Variants in FGF1 observed in about 807,000 individuals in gnomAD.
The protein encoded by FGF1 is beta-endothelial cell growth factor.
A neutral mutation model predicts 13.4 loss-of-function variants in FGF1; 9 were observed. That is an observed-to-expected ratio of 0.67 (90% CI 0.40 to 1.17). FGF1 has a LOEUF of 1.17. FGF1 is among the 50% of genes most tolerant of loss of function. The pLI is 0.01. For missense variants in FGF1, 156 were observed against 192.7 expected, an observed-to-expected ratio of 0.81 and a Z score of 1.13; for synonymous variants, 93 against 79.0, an observed-to-expected ratio of 1.18 and a Z score of -0.94.
chr5:142,610,285 A>G (rs250106), intron 2 of FGF1, among the ~76,000 whole-genome samples: 150,790 of 152,328 alleles, frequency 0.99, 74,634 homozygotes, highest in East Asian at 1. Flanking sequence ...TGTTTACTGG[A>G]CATTTTACCA....
At chr5:142,646,208 CTTT>C (rs762008952) in intron 1 of FGF1, among the ~76,000 whole-genome samples, 1 of 54,916 alleles carries the variant, frequency 1.8e-5, no homozygotes, top group African/African-American at 7.2e-5. Context: ...CGCACCTGGC[CTTT>C]TTTTTTTTTT....
At position 142,594,702 on chromosome 5, in the gene FGF1, AC is replaced by A. The variant is rs1420343698; in HGVS notation, c.*587del. 1 of 152,254 alleles carries A rather than the reference AC, an allele frequency of 6.6e-6. No individual in the cohort carries two copies. The highest frequency in any genetic ancestry group is 1.5e-5 in the Non-Finnish European group (1 of 68,152). 9.4% of individuals were successfully genotyped at this position (152,254 alleles called of 1,614,324 possible). On this transcript the variant is annotated 3_prime_UTR_variant, in exon 4 of 4. Coordinates refer to ENST00000337706, the MANE Select transcript of FGF1 (RefSeq NM_000800.5). The stretch of plus-strand genomic sequence containing the variant: ...GGGCCTCCCTTTCTTCATTTATTCT[AC>A]ATGGAGATGCCATCCTTCTAAGTTA...
At chr5:142,670,265 G>A (rs1264358232) in intron 1 of FGF1, among the ~76,000 whole-genome samples, 1 of 152,108 alleles carries the variant, frequency 6.6e-6, no homozygotes, top group Admixed American at 6.5e-5. Context: ...CCACATCCCA[G>A]CAATCTGAGC....
chr5:142,607,821 C>T (rs373360024), intron 2 of FGF1, among the ~76,000 whole-genome samples: 4 of 152,262 alleles, frequency 2.6e-5, no homozygotes, highest in South Asian at 2.1e-4. Context: ...AACTGCTTCA[C>T]GAGTCCCTGC....
At chr5:142,626,152 A>ATTTTTG (rs151012110) in intron 1 of FGF1, among the ~76,000 whole-genome samples, 4 of 152,092 alleles carry the variant, frequency 2.6e-5, no homozygotes, top group African/African-American at 9.7e-5. Flanking sequence ...TTAGGAAAGT[A>ATTTTTG]TTTTTGTTTT....
chr5:142,661,771 A>T (rs1256970743), intron 1 of FGF1, among the ~76,000 whole-genome samples: 1 of 152,166 alleles, frequency 6.6e-6, no homozygotes, highest in Non-Finnish European at 1.5e-5. Context: ...TGGGAGGCCA[A>T]GGCGGGCAGA....
intron 2 of FGF1, among the ~76,000 whole-genome samples, chr5:142,696,726 T>TA (rs1054251904): frequency 1.3e-5 from 2 of 152,142 alleles, no homozygotes; most frequent in Admixed American, 1.3e-4. Context: ...CATGAGTTAA[T>TA]AAAAAAATCC....
chr5:142,651,078 A>T (rs1316207965), intron 1 of FGF1, among the ~76,000 whole-genome samples: 1 of 151,952 alleles, frequency 6.6e-6, no homozygotes, highest in Non-Finnish European at 1.5e-5. Flanking sequence ...GCTCAGAGAG[A>T]GGTGAAGGAA....
chr5:142,670,054 A>G (rs975638459), intron 1 of FGF1, among the ~76,000 whole-genome samples: 3 of 152,054 alleles, frequency 2.0e-5, no homozygotes, highest in African/African-American at 7.2e-5. Context: ...CTCGGGATTG[A>G]TCTCCTGCCC....
chr5:142,594,966 G>C lies in FGF1; in HGVS notation c.*324C>G, dbSNP rs1754944353. The C allele has an allele frequency of 4.1e-6, 1 of 241,018 alleles. No homozygotes were observed. The highest frequency in any genetic ancestry group is 2.3e-5 in the African/African-American group (1 of 44,362). The allele number at this position is 241,018 out of a possible 1,614,324, so 14.9% of individuals were successfully genotyped here. A position where few individuals can be genotyped will look rare whatever the true frequency, so the allele number is the denominator to read the frequency against. Reference sequence around the variant, plus strand: ...TGTGCAGTTACTAATGTCCCACTTAGCCGACCCCTTAACACACTTCATTTA... The same window carrying C: ...TGTGCAGTTACTAATGTCCCACTTACCCGACCCCTTAACACACTTCATTTA... On this transcript the variant is annotated 3_prime_UTR_variant, in exon 4 of 4. Coordinates refer to ENST00000337706, the MANE Select transcript of FGF1 (RefSeq NM_000800.5).
At position 142,592,399 on chromosome 5, in the gene FGF1, T is replaced by G; in HGVS notation, c.*2891A>C. 2.5e-6 allele frequency: 1 copy of G among 398,556 alleles called. No individual in the cohort carries two copies. Among genetic ancestry groups the G allele is most frequent in the Non-Finnish European group, 4.4e-6 (1 of 226,012 alleles). The allele number at this position is 398,556 out of a possible 1,614,324, so 24.7% of individuals were successfully genotyped here. On this transcript the variant is annotated 3_prime_UTR_variant, in exon 4 of 4. Transcript: ENST00000337706. ...AGTACTAGCTGATGCTCCAATCAGT[T>G]TTTTGTTCATACACACTGTTGGCCA...
At chr5:142,598,329 C>T (rs1035182800) in intron 3 of FGF1, among the ~76,000 whole-genome samples, 4 of 152,170 alleles carry the variant, frequency 2.6e-5, no homozygotes, top group African/African-American at 4.8e-5. Flanking sequence ...GCCAGATCAG[C>T]GGTGCTCCGT....
rs577614044 is a variant in FGF1 at position 142,667,949 on chromosome 5, C to T, written c.-35+18008G>A. Among the ~76,000 whole-genome samples the T allele has an allele frequency of 2.2e-3, 342 of 152,358 alleles. 3 individuals are homozygous for T. Among genetic ancestry groups the T allele is most frequent in the African/African-American group, 8.0e-3 (333 of 41,588 alleles). ...CTCCCACTGACTTGGGATGCCACAGCGGTCTTGCAGTCCAAGAGCCTTCCT... is the reference window on the plus strand; with the variant it reads ...CTCCCACTGACTTGGGATGCCACAGTGGTCTTGCAGTCCAAGAGCCTTCCT... On this transcript the variant is annotated intron_variant, in intron 1 of 3. Coordinates refer to ENST00000337706, the MANE Select transcript of FGF1 (RefSeq NM_000800.5).
chr5:142,645,753 CTG>C (rs1449397114), intron 1 of FGF1, among the ~76,000 whole-genome samples: 3 of 152,276 alleles, frequency 2.0e-5, no homozygotes, highest in African/African-American at 7.2e-5. Context: ...TGTTTTATTT[CTG>C]TGTTAATCTC....
At chr5:142,675,459 A>G (rs1472433850) in intron 1 of FGF1, among the ~76,000 whole-genome samples, 1 of 152,148 alleles carries the variant, frequency 6.6e-6, no homozygotes, top group Non-Finnish European at 1.5e-5. Flanking sequence ...ACCTGGTGCA[A>G]GGGAATATTC....
chr5:142,695,497 G>A (rs551037106), intron 2 of FGF1, among the ~76,000 whole-genome samples: 22 of 149,954 alleles, frequency 1.5e-4, no homozygotes, highest in Non-Finnish European at 2.1e-4. Flanking sequence ...CAAAAGAATC[G>A]CTTGAACCTG....
rs77512401 is a variant in FGF1, at chr5:142,602,861, T to C, written c.170-2056A>G. 8.6e-3 allele frequency among the ~76,000 whole-genome samples: 1,310 copies of C among 152,314 alleles called. 22 individuals carry two copies. Among genetic ancestry groups the C allele is most frequent in the African/African-American group, 0.03 (1,247 of 41,562 alleles). ...AACCATTTCTCTGTTAATATGCCTG[T>C]ATTTTCTTATTTCTCTTTGCCTTCC... On this transcript the variant is annotated intron_variant, in intron 2 of 3. Coordinates refer to ENST00000337706, the MANE Select transcript of FGF1 (RefSeq NM_000800.5).
chr5:142,600,500 T>C (rs1428307400), intron 3 of FGF1, among the ~76,000 whole-genome samples: 1 of 152,250 alleles, frequency 6.6e-6, no homozygotes, highest in Non-Finnish European at 1.5e-5. Flanking sequence ...TGATAATACA[T>C]TTGAGAGTTT....
intron 1 of FGF1, among the ~76,000 whole-genome samples, chr5:142,619,163 T>G (rs1158033757): frequency 1.3e-5 from 2 of 152,006 alleles, no homozygotes; most frequent in Non-Finnish European, 2.9e-5. Flanking sequence ...CTCGATCTCC[T>G]GACCTCGTGA....
Sources: allele counts gnomAD v4.1 joint callset (sites outside exome capture counted in the v4.1 genomes callset), GRCh38; gene constraint gnomAD v4.1.1; transcripts MANE v1.5; gene names NCBI Gene and HGNC (gene_info 2026-07-23, HGNC 2026-07-21).